Variants in CCDC102B observed in about 807,000 individuals in gnomAD.
The protein encoded by CCDC102B is coiled-coil domain containing 102B, also known as coiled-coil domain-containing protein 102B.
CCDC102B carries 75 observed loss-of-function variants against 57.4 expected under a neutral mutation model. The observed-to-expected ratio is 1.31, with a 90% confidence interval of 1.08 to 1.58. CCDC102B has a LOEUF of 1.58. CCDC102B is among the 40% of genes most tolerant of loss of function. CCDC102B has a pLI of 0.00. For synonymous variants in CCDC102B, 206 were observed against 201.9 expected (o/e 1.02, Z -0.17); for missense variants, 636 against 582.6 (o/e 1.09, Z -0.94).
intron 2 of CCDC102B, among the ~76,000 whole-genome samples, chr18:68,769,254 G>GA (rs35451609): frequency 0.096 from 11,191 of 116,202 alleles, 512 homozygotes; most frequent in Admixed American, 0.16. Context: ...ACTCCACCTC[G>GA]AAAAAAAAAA....
At chr18:68,922,124 A>C (rs1414393364) in intron 6 of CCDC102B, among the ~76,000 whole-genome samples, 1 of 152,132 alleles carries the variant, frequency 6.6e-6, no homozygotes, top group Non-Finnish European at 1.5e-5. Context: ...AAGCCCCCAG[A>C]AGAAGTAGTG....
chr18:68,725,408 A>C (rs9955058), intron 2 of CCDC102B, among the ~76,000 whole-genome samples: 9,013 of 152,270 alleles, frequency 0.059, 855 homozygotes, highest in African/African-American at 0.2. Flanking sequence ...AAAAATCTAC[A>C]ATCAAGGCGT....
intron 6 of CCDC102B, among the ~76,000 whole-genome samples, chr18:68,941,087 AT>A (rs1354162818): frequency 1.3e-5 from 2 of 148,430 alleles, no homozygotes; most frequent in African/African-American, 4.9e-5. Flanking sequence ...CTATTTATTT[AT>A]TTTTTTTGCA....
intron 5 of CCDC102B, among the ~76,000 whole-genome samples, chr18:68,880,040 G>A (rs888092783): frequency 6.6e-6 from 1 of 152,208 alleles, no homozygotes; most frequent in Non-Finnish European, 1.5e-5. Context: ...GCGCTGTGGA[G>A]CAGGGGGCGG....
At chr18:68,831,681 C>A (rs1427785619) in intron 1 of CCDC102B, among the ~76,000 whole-genome samples, 1 of 152,042 alleles carries the variant, frequency 6.6e-6, no homozygotes, top group Non-Finnish European at 1.5e-5. Flanking sequence ...TTTGCTACAG[C>A]GTAAGGATTT....
At chr18:68,790,499 C>T (rs1437189420) in intron 2 of CCDC102B, among the ~76,000 whole-genome samples, 4 of 152,134 alleles carry the variant, frequency 2.6e-5, no homozygotes, top group African/African-American at 4.8e-5. Flanking sequence ...GGGCGTAGGA[C>T]CCTCCGAGCC....
intron 6 of CCDC102B, among the ~76,000 whole-genome samples, chr18:68,954,395 G>A (rs2049787874): frequency 6.6e-6 from 1 of 152,194 alleles, no homozygotes; most frequent in Admixed American, 6.5e-5. Context: ...GCTCCAGCCT[G>A]GGTGACAGAG....
intron 1 of CCDC102B, among the ~76,000 whole-genome samples, chr18:68,808,603 G>A (rs1367469194): frequency 1.4e-5 from 2 of 147,948 alleles, no homozygotes; most frequent in Admixed American, 1.4e-4. Flanking sequence ...TCAGCCTCCC[G>A]AGTAGCTGGG....
chr18:68,838,239 G>A (rs1406981610), intron 2 of CCDC102B, among the ~76,000 whole-genome samples: 3 of 152,084 alleles, frequency 2.0e-5, no homozygotes, highest in Non-Finnish European at 2.9e-5. Context: ...AAGCAATAAG[G>A]GGAACTAAAA....
intron 6 of CCDC102B, among the ~76,000 whole-genome samples, chr18:68,998,600 G>GAGTACT: frequency 6.6e-6 from 1 of 151,452 alleles, no homozygotes; most frequent in East Asian, 2.0e-4. Context: ...CCCCAAAGTA[G>GAGTACT]GGAAGCCAAC....
chr18:68,760,560 A>G lies in CCDC102B; in HGVS notation c.-67+43966A>G, dbSNP rs535594279. On this transcript the variant is annotated intron_variant, in intron 2 of 3. Transcript: ENST00000578970. ...CCTTCCAAAGCCTTGTAATTGTACA[A>G]CAGGAGTCTTCAAGGACTACACAGT... Among the ~76,000 whole-genome samples, 10 of 152,232 alleles carry G rather than the reference A, an allele frequency of 6.6e-5. No individual in the cohort carries two copies. In the East Asian group the frequency reaches 1.7e-3, roughly 26 times the overall value.
At chr18:68,735,768 T>C (rs1017706887) in intron 2 of CCDC102B, among the ~76,000 whole-genome samples, 1 of 152,188 alleles carries the variant, frequency 6.6e-6, no homozygotes, top group African/African-American at 2.4e-5. Flanking sequence ...ATAAGTGATA[T>C]GTGAGATCCA....
At chr18:68,866,275 T>G (rs767386887) in intron 4 of CCDC102B, among the ~76,000 whole-genome samples, 6 of 152,210 alleles carry the variant, frequency 3.9e-5, no homozygotes, top group Non-Finnish European at 1.5e-5. Flanking sequence ...ACCCACATTT[T>G]TATGGCATAT....
At chr18:68,994,742 C>T (rs111242602) in intron 6 of CCDC102B, among the ~76,000 whole-genome samples, 10 of 152,250 alleles carry the variant, frequency 6.6e-5, no homozygotes, top group South Asian at 2.1e-4. Flanking sequence ...CCAGCCATGC[C>T]GAACTGTGAG....
At chr18:68,947,380 T>C (rs187837047) in intron 6 of CCDC102B, among the ~76,000 whole-genome samples, 1 of 152,200 alleles carries the variant, frequency 6.6e-6, no homozygotes, top group East Asian at 1.9e-4. Context: ...TACTTACATA[T>C]ATGGCCCAAA....
Position 69,055,164 on chromosome 18 carries a change from G to T in CCDC102B, c.*1027G>T, listed in dbSNP as rs972270383. ...AATGAAATCTTACTAATTCATTATT[G>T]AATAAAGACCACTTTTATCAGAGTC... On this transcript the variant is annotated 3_prime_UTR_variant, in exon 8 of 8. Coordinates refer to ENST00000360242, the MANE Select transcript of CCDC102B (RefSeq NM_024781.3). 1.3e-5 allele frequency: 13 copies of T among 977,538 alleles called. No homozygotes were observed. Among genetic ancestry groups the T allele is most frequent in the Non-Finnish European group, 3.6e-6 (3 of 823,180 alleles). The allele number at this position is 977,538 out of a possible 1,614,324, so 60.6% of individuals were successfully genotyped here.
intron 2 of CCDC102B, among the ~76,000 whole-genome samples, chr18:68,770,152 C>T (rs2034593858): frequency 6.6e-6 from 1 of 152,146 alleles, no homozygotes; most frequent in African/African-American, 2.4e-5. Context: ...TCTGCATACA[C>T]CTTTGAGGGA....
chr18:68,750,012 A>T (rs947606208), intron 2 of CCDC102B, among the ~76,000 whole-genome samples: 2 of 152,200 alleles, frequency 1.3e-5, no homozygotes, highest in South Asian at 2.1e-4. Flanking sequence ...AATGGGAAAA[A>T]AATTTTGCAA....
chr18:68,921,598 G>A (rs2145110093), intron 6 of CCDC102B, among the ~76,000 whole-genome samples: 1 of 152,312 alleles, frequency 6.6e-6, no homozygotes, highest in East Asian at 1.9e-4. Context: ...GTTGGCAGTA[G>A]AATAAGCAGG....
Sources: allele counts gnomAD v4.1 joint callset (sites outside exome capture counted in the v4.1 genomes callset), GRCh38; gene constraint gnomAD v4.1.1; transcripts MANE v1.5; gene names NCBI Gene and HGNC (gene_info 2026-07-23, HGNC 2026-07-21).